NCR1: variants seen among roughly 807,000 people sequenced by gnomAD.
NCR1 encodes the protein natural cytotoxicity triggering receptor 1, also known as NK cell-activating receptor.
Under a neutral mutation model 32.5 loss-of-function variants are expected in NCR1, and 30 were observed. The observed-to-expected ratio is 0.92, with a 90% CI of 0.69 to 1.25. The LOEUF (loss-of-function observed/expected upper bound fraction) is 1.25, where lower values mean the gene tolerates loss of function less well. Ranked by LOEUF, NCR1 falls within the 50% of genes most tolerant of loss-of-function variation. NCR1 has a pLI of 0.00. For missense variants in NCR1, 369 were observed against 380.7 expected (o/e 0.97, Z 0.26); for synonymous variants, 169 against 143.4 (o/e 1.18, Z -1.28).
chr19:54,914,434 G>T (rs753177693), downstream of NCR1, among the ~76,000 whole-genome samples: 1 of 152,092 alleles, frequency 6.6e-6, no homozygotes, highest in Non-Finnish European at 1.5e-5. Context: ...CACCTCCAGG[G>T]TTCAAATGAT....
chr19:54,935,290 C>T, the NCR1 span, among the ~76,000 whole-genome samples: 2 of 152,114 alleles, frequency 1.3e-5, no homozygotes, highest in African/African-American at 4.8e-5. Flanking sequence ...AGTGCAGTGG[C>T]ATGATCACAG....
Position 54,909,270 on chromosome 19 carries a change from G to C in NCR1, c.381G>C (p.Ser127=), listed in dbSNP as rs367914877. Residue 127 remains serine (S), a synonymous_variant, in exon 4 of 7, where the codon TCG becomes TCC. Coordinates refer to ENST00000291890, the MANE Select transcript of NCR1 (RefSeq NM_004829.7). ...AAATGTATGACACACCCACCCTCTCGGTTCATCCTGGACCCGAAGTGATCT... is the reference window on the plus strand; with the variant it reads ...AAATGTATGACACACCCACCCTCTCCGTTCATCCTGGACCCGAAGTGATCT... ...VTEMYDTPTL[S]VHPGPEVISG... The C allele has an allele frequency of 1.9e-6, 3 of 1,613,366 alleles. No homozygotes were observed. The highest frequency in any genetic ancestry group is 1.3e-5 in the African/African-American group (1 of 74,876).
At chr19:54,914,669 C>T (rs2068096528), downstream of NCR1, among the ~76,000 whole-genome samples, 1 of 151,868 alleles carries the variant, frequency 6.6e-6, no homozygotes, top group Non-Finnish European at 1.5e-5. Flanking sequence ...CACACCTTGC[C>T]TTGTTCTTCA....
At chr19:54,923,489 A>G in the NCR1 span, 26 of 562,162 alleles carry the variant, frequency 4.6e-5, 1 homozygote, top group East Asian at 7.6e-4. Flanking sequence ...TTTGCTCCTG[A>G]GCATGTCAAT....
chr19:54,922,393 A>G, the NCR1 span, among the ~76,000 whole-genome samples: 1 of 152,162 alleles, frequency 6.6e-6, no homozygotes, highest in Non-Finnish European at 1.5e-5. Context: ...TGTGTTTGCC[A>G]TGGCAATGGG....
upstream of NCR1, among the ~76,000 whole-genome samples, chr19:54,905,770 C>T (rs2067561750): frequency 6.6e-6 from 1 of 152,130 alleles, no homozygotes; most frequent in Non-Finnish European, 1.5e-5. Context: ...TTTGTTTACA[C>T]ATTCTGTAAT....
At chr19:54,927,876 G>C in the NCR1 span, 66 of 996,460 alleles carry the variant, frequency 6.6e-5, no homozygotes, top group South Asian at 8.3e-4. Flanking sequence ...TGGATCACTT[G>C]AGGCCAGGTG....
upstream of NCR1, among the ~76,000 whole-genome samples, chr19:54,903,078 T>C (rs1400256831): frequency 2.0e-5 from 3 of 151,576 alleles, no homozygotes; most frequent in Non-Finnish European, 4.4e-5. Flanking sequence ...TGCAGTGAGC[T>C]GAGATTGCAC....
downstream of NCR1, among the ~76,000 whole-genome samples, chr19:54,920,446 TA>T (rs1277610950): frequency 2.0e-5 from 3 of 152,166 alleles, no homozygotes; most frequent in Non-Finnish European, 4.4e-5. Flanking sequence ...GATGTGACTC[TA>T]TTTGGACACA....
At chr19:54,934,755 T>C in the NCR1 span, 1 of 1,045,972 alleles carries the variant, frequency 9.6e-7, no homozygotes, top group Non-Finnish European at 1.4e-6. This position sits in a 1 kb window ranked among gnomAD's most constrained non-coding sequence, Gnocchi z 6.7. Flanking sequence ...TGTTGCCCAG[T>C]CTGGAATGCA....
At chr19:54,911,183 A>G (rs1602060795) in intron 5 of NCR1, among the ~76,000 whole-genome samples, 2 of 149,478 alleles carry the variant, frequency 1.3e-5, no homozygotes, top group East Asian at 3.9e-4. Context: ...TGTCTCTACT[A>G]AAAAAAAATA....
At chr19:54,917,215 T>C (rs974676452), downstream of NCR1, among the ~76,000 whole-genome samples, 6 of 151,288 alleles carry the variant, frequency 4.0e-5, no homozygotes, top group Non-Finnish European at 7.4e-5. Flanking sequence ...CTCGGGAGGC[T>C]GAGGCAGGAG....
At chr19:54,902,435 G>A (rs2067316013), upstream of NCR1, among the ~76,000 whole-genome samples, 5 of 151,750 alleles carry the variant, frequency 3.3e-5, no homozygotes, top group South Asian at 1.0e-3. Flanking sequence ...CAAGTAGCTG[G>A]GACTATAGGC....
chr19:54,906,472 G>C, intron 2 of NCR1, 51 bp from the exon 3 acceptor site: 1 of 1,599,700 alleles, frequency 6.3e-7, no homozygotes, highest in Non-Finnish European at 8.5e-7. Flanking sequence ...TGGAGCCTAA[G>C]GTTGGGGGGA....
At chr19:54,931,752 AG>A in the NCR1 span, among the ~76,000 whole-genome samples, 2 of 151,570 alleles carry the variant, frequency 1.3e-5, no homozygotes, top group African/African-American at 4.8e-5. Flanking sequence ...CAGGAGGCTG[AG>A]GTAGGAGAAT....
chr19:54,903,714 A>ATGTATATATGTG (rs1174467016), upstream of NCR1, among the ~76,000 whole-genome samples: 5 of 149,592 alleles, frequency 3.3e-5, no homozygotes. Flanking sequence ...AAAGGTATAT[A>ATGTATATATGTG]TGTATATATG....
At chr19:54,936,250 G>C in the NCR1 span, 12 of 1,611,440 alleles carry the variant, frequency 7.4e-6, no homozygotes, top group East Asian at 2.7e-4. Context: ...AGCCGTGACC[G>C]TGAGACCCAC....
the NCR1 span, among the ~76,000 whole-genome samples, chr19:54,923,147 C>T: frequency 1.3e-5 from 2 of 152,204 alleles, no homozygotes; most frequent in African/African-American, 4.8e-5. Flanking sequence ...GGCCCACGAG[C>T]TGTTTCTGGG....
At chr19:54,903,663 GTATACATATATGTATAAA>G (rs1275356374), upstream of NCR1, among the ~76,000 whole-genome samples, 1 of 141,224 alleles carries the variant, frequency 7.1e-6, no homozygotes, top group Non-Finnish European at 1.5e-5. Flanking sequence ...ATGTATATAT[GTATACATATATGTATAAA>G]TGTATATATG....
Sources: gnomAD v4.1 joint callset for allele counts (sites outside exome capture counted in the v4.1 genomes callset) on GRCh38, gnomAD v4.1.1 for gene constraint, Gnocchi (gnomAD v3.1) non-coding constraint, MANE v1.5 for transcripts, NCBI Gene and HGNC (gene_info 2026-07-23, HGNC 2026-07-21) for gene names.